Variants in PRKN observed in about 807,000 individuals in gnomAD.
PRKN encodes E3 ubiquitin-protein ligase parkin.
PRKN carries 56 observed loss-of-function variants against 59.5 expected under a neutral mutation model. The ratio of observed to expected loss-of-function variants is 0.94; its 90% CI spans 0.76 to 1.18. PRKN has a LOEUF of 1.18. Ranked by LOEUF, PRKN falls within the 50% of genes most tolerant of loss-of-function variation. PRKN has a pLI of 0.00. For synonymous variants in PRKN, 250 were observed against 222.1 expected, an observed-to-expected ratio of 1.13 and a Z score of -1.12; for missense variants, 657 against 596.4, an observed-to-expected ratio of 1.10 and a Z score of -1.06.
chr6:161,730,165 TTTCTGATGTGTTGCA>T lies in PRKN; in HGVS notation c.871+55592_871+55606del, dbSNP rs1159273092. Reference sequence around the variant, plus strand: ...GGATTCTTTCTGATGTGTTGCATTCTTTCTGATGTGTTGCATTCTGATGTGTTGCATTCTTTCTGT... The same window carrying T: ...GGATTCTTTCTGATGTGTTGCATTCTTTCTGATGTGTTGCATTCTTTCTGT... On this transcript the variant is annotated intron_variant, in intron 7 of 11. Transcript: ENST00000366898. 2.9e-4 allele frequency among the ~76,000 whole-genome samples: 44 copies of T among 151,874 alleles called. 1 individual carries two copies. Among genetic ancestry groups the T allele is most frequent in the African/African-American group, 6.8e-4 (28 of 41,214 alleles).
At chr6:162,277,163 A>G (rs1042002852) in intron 2 of PRKN, among the ~76,000 whole-genome samples, 3 of 152,196 alleles carry the variant, frequency 2.0e-5, no homozygotes, top group African/African-American at 7.2e-5. Flanking sequence ...TAGAAGCTAC[A>G]GCAAATGGAT....
At chr6:161,732,447 C>T (rs2128188700) in intron 7 of PRKN, among the ~76,000 whole-genome samples, 1 of 150,446 alleles carries the variant, frequency 6.6e-6, no homozygotes, top group Non-Finnish European at 1.5e-5. Context: ...AATGTGTTCT[C>T]ATTGTTCAGC....
intron 9 of PRKN, among the ~76,000 whole-genome samples, chr6:161,521,761 T>C (rs1373877162): frequency 1.3e-5 from 2 of 152,136 alleles, no homozygotes; most frequent in African/African-American, 4.8e-5. Flanking sequence ...GGCCTCTCAG[T>C]TTGATTACTG....
intron 4 of PRKN, among the ~76,000 whole-genome samples, chr6:162,095,367 G>C (rs1199827488): frequency 1.3e-5 from 2 of 152,174 alleles, no homozygotes; most frequent in Non-Finnish European, 2.9e-5. Context: ...AAGGTGCTTA[G>C]AGGTAAATGT....
At chr6:162,611,474 A>G (rs1005968352) in intron 1 of PRKN, among the ~76,000 whole-genome samples, 1 of 152,204 alleles carries the variant, frequency 6.6e-6, no homozygotes, top group Non-Finnish European at 1.5e-5. Context: ...GCTTATAACC[A>G]TTCACAGAGT....
chr6:162,399,180 CA>C (rs1375495690), intron 2 of PRKN, among the ~76,000 whole-genome samples: 1 of 152,004 alleles, frequency 6.6e-6, no homozygotes, highest in Non-Finnish European at 1.5e-5. Flanking sequence ...GCCACATAAG[CA>C]ACAGCAATTG....
intron 5 of PRKN, among the ~76,000 whole-genome samples, chr6:162,023,138 G>A (rs999678036): frequency 6.6e-6 from 1 of 152,000 alleles, no homozygotes; most frequent in Admixed American, 6.6e-5. Flanking sequence ...TGAACATACA[G>A]ACGGGCAGGC....
intron 5 of PRKN, among the ~76,000 whole-genome samples, chr6:162,027,730 C>T (rs1169689317): frequency 6.6e-6 from 1 of 151,698 alleles, no homozygotes; most frequent in African/African-American, 2.4e-5. Flanking sequence ...TAAATACTTG[C>T]TGGGGGGTGG....
intron 1 of PRKN, among the ~76,000 whole-genome samples, chr6:162,675,269 C>T (rs1031491810): frequency 6.6e-6 from 1 of 151,928 alleles, no homozygotes; most frequent in Admixed American, 6.6e-5. Flanking sequence ...AGAATGGTCT[C>T]GATCTCTTGA....
chr6:162,141,990 T>C (rs1340043074), intron 4 of PRKN, among the ~76,000 whole-genome samples: 2 of 152,172 alleles, frequency 1.3e-5, no homozygotes, highest in African/African-American at 2.4e-5. Flanking sequence ...AGCTGTCCCG[T>C]TTACTATTTT....
At chr6:161,535,320 C>A (rs115376284) in intron 9 of PRKN, among the ~76,000 whole-genome samples, 10,860 of 151,804 alleles carry the variant, frequency 0.072, 519 homozygotes, top group African/African-American at 0.13. Context: ...TATATTGTTA[C>A]AAAAAAAGAT....
At chr6:162,537,638 T>C (rs1275857186) in intron 1 of PRKN, among the ~76,000 whole-genome samples, 1 of 152,172 alleles carries the variant, frequency 6.6e-6, no homozygotes, top group Non-Finnish European at 1.5e-5. Context: ...TCTGGGACCC[T>C]ATATTGCAGG....
intron 1 of PRKN, among the ~76,000 whole-genome samples, chr6:162,709,550 C>T (rs1778453033): frequency 6.6e-6 from 1 of 152,148 alleles, no homozygotes; most frequent in African/African-American, 2.4e-5. Flanking sequence ...TCATTCATAG[C>T]ATCCATCCGG....
intron 6 of PRKN, among the ~76,000 whole-genome samples, chr6:161,812,824 C>A (rs189235616): frequency 4.3e-4 from 66 of 152,272 alleles, no homozygotes; most frequent in African/African-American, 1.6e-3. Flanking sequence ...TTGGCAGTTT[C>A]TTTAAAACTG....
At chr6:161,753,928 AG>A (rs1015643659) in intron 7 of PRKN, among the ~76,000 whole-genome samples, 9 of 152,172 alleles carry the variant, frequency 5.9e-5, no homozygotes, top group African/African-American at 1.2e-4. Context: ...GAAAGGTCAG[AG>A]GGTAAGCTAT....
chr6:162,372,698 C>G (rs1376163742), intron 2 of PRKN, among the ~76,000 whole-genome samples: 1 of 152,008 alleles, frequency 6.6e-6, no homozygotes, highest in Non-Finnish European at 1.5e-5. Flanking sequence ...CAGGTACCAC[C>G]TGAATGTAAA....
chr6:162,699,195 T>C (rs1238452342), intron 1 of PRKN, among the ~76,000 whole-genome samples: 1 of 152,194 alleles, frequency 6.6e-6, no homozygotes, highest in Non-Finnish European at 1.5e-5. Context: ...CCTAACCTTA[T>C]GGTGATGAGC....
At chr6:161,857,144 G>A (rs945799361) in intron 6 of PRKN, among the ~76,000 whole-genome samples, 10 of 152,228 alleles carry the variant, frequency 6.6e-5, no homozygotes, top group African/African-American at 2.4e-4. Flanking sequence ...CAGGTGAATC[G>A]CTTGAGCCCG....
intron 7 of PRKN, among the ~76,000 whole-genome samples, chr6:161,637,887 G>C (rs1783586864): frequency 6.6e-6 from 1 of 152,178 alleles, no homozygotes; most frequent in South Asian, 2.1e-4. Flanking sequence ...CAAGGTGACT[G>C]ATCCCAAGTG....
Sources: gnomAD v4.1 joint callset for allele counts (sites outside exome capture counted in the v4.1 genomes callset) on GRCh38, gnomAD v4.1.1 for gene constraint, MANE v1.5 for transcripts, NCBI Gene and HGNC (gene_info 2026-07-23, HGNC 2026-07-21) for gene names.